The following ABCA12 variants were observed in gnomAD, a reference collection of about 807,000 sequenced individuals.
The protein encoded by ABCA12 is glucosylceramide transporter ABCA12.
ABCA12 carries 156 observed loss-of-function variants against 293.5 expected under a neutral mutation model. That is an observed-to-expected ratio of 0.53 (90% confidence interval 0.47 to 0.61). The LOEUF (loss-of-function observed/expected upper bound fraction) is 0.61, where lower values mean the gene tolerates loss of function less well. Ranked by LOEUF, ABCA12 falls within the 20% of genes least tolerant of loss-of-function variation. ABCA12 has a pLI of 0.00. For missense variants in ABCA12, 2,797 were observed against 3,090.2 expected (o/e 0.91, Z 2.25); for synonymous variants, 1,063 against 1,108.0 (o/e 0.96, Z 0.81).
chr2:215,001,068 C>G (rs375469851), intron 21 of ABCA12, 48 bp from the exon 22 acceptor site: 2 of 1,581,422 alleles, frequency 1.3e-6, no homozygotes, highest in Admixed American at 3.4e-5. Flanking sequence ...TTATGGTTGA[C>G]GTTATTCATT....
At chr2:215,082,086 C>T (rs1215560398) in intron 2 of ABCA12, among the ~76,000 whole-genome samples, 5 of 122,882 alleles carry the variant, frequency 4.1e-5, no homozygotes, top group Non-Finnish European at 7.9e-5. Flanking sequence ...GCTCTGTTGG[C>T]CAGGCTAGAG....
chr2:215,069,906 A>G (rs1271006165), intron 2 of ABCA12, among the ~76,000 whole-genome samples: 2 of 152,256 alleles, frequency 1.3e-5, no homozygotes, highest in East Asian at 1.9e-4. Context: ...AACCTTACAT[A>G]GTTCTTAGCA....
Position 214,986,616 on chromosome 2 carries a change from G to A in ABCA12, c.4089C>T (p.Asn1363=). ...GCCCTTCATAAAAGTTCAGATTGAG[G>A]TTATCAACAGCAACTTTTGAGCCAT... is the stretch of plus-strand genomic sequence containing the variant. The part of the protein sequence containing the change: ...KIYGSKVAVD[N]LNLNFYEGHI... The change falls in exon 28 of 53, where the codon AAC becomes AAT. Residue 1363 remains asparagine (N), a synonymous_variant. Coordinates refer to ENST00000272895, the MANE Select transcript of ABCA12 (RefSeq NM_173076.3). 5 of 1,614,058 alleles carry A rather than the reference G, an allele frequency of 3.1e-6. No individual in the cohort carries two copies. The highest frequency in any genetic ancestry group is 4.2e-6 in the Non-Finnish European group (5 of 1,179,984).
chr2:214,975,463 G>A (rs1289826625), intron 34 of ABCA12, among the ~76,000 whole-genome samples: 1 of 152,036 alleles, frequency 6.6e-6, no homozygotes, highest in Non-Finnish European at 1.5e-5. Flanking sequence ...ATATTTGTGA[G>A]ACCAATAAAA....
intron 7 of ABCA12, 32 bp from the exon 8 acceptor site, chr2:215,037,097 C>A (rs1483880226): frequency 1.9e-6 from 3 of 1,577,120 alleles, no homozygotes; most frequent in South Asian, 1.1e-5. Context: ...AAACCAGATT[C>A]TGTTTCAAGG....
intron 2 of ABCA12, among the ~76,000 whole-genome samples, chr2:215,068,912 T>C (rs1040796220): frequency 3.9e-5 from 6 of 152,190 alleles, no homozygotes; most frequent in Non-Finnish European, 8.8e-5. Context: ...CTATTTATTT[T>C]ATTATTGCAG....
intron 47 of ABCA12, chr2:214,947,840 G>T: frequency 2.4e-6 from 1 of 411,194 alleles, no homozygotes; most frequent in Non-Finnish European, 4.6e-6. Flanking sequence ...ACTTTTTGCT[G>T]CATTACCACA....
chr2:215,110,769 T>A (rs868389113), intron 2 of ABCA12, among the ~76,000 whole-genome samples: 9 of 152,214 alleles, frequency 5.9e-5, no homozygotes, highest in African/African-American at 2.2e-4. Context: ...ATTGTCTTCT[T>A]TTACATAGCA....
intron 2 of ABCA12, among the ~76,000 whole-genome samples, chr2:215,111,251 A>G (rs1035585010): frequency 1.3e-4 from 20 of 152,256 alleles, no homozygotes; most frequent in Non-Finnish European, 1.5e-5. Flanking sequence ...TATGGTTTCC[A>G]TTACAAAAGT....
chr2:215,113,060 C>T (rs1001868896), intron 1 of ABCA12, among the ~76,000 whole-genome samples: 1 of 152,158 alleles, frequency 6.6e-6, no homozygotes, highest in Non-Finnish European at 1.5e-5. Context: ...TCTGGTCAGA[C>T]TTATCTTTTC....
At chr2:215,071,937 C>T (rs1174573032) in intron 2 of ABCA12, among the ~76,000 whole-genome samples, 1 of 152,170 alleles carries the variant, frequency 6.6e-6, no homozygotes, top group Non-Finnish European at 1.5e-5. Context: ...GTTTAAATTA[C>T]TGTGTGCTCA....
At chr2:215,007,966 G>C in intron 18 of ABCA12, 120 bp from the exon 19 acceptor site, 3 of 1,288,894 alleles carry the variant, frequency 2.3e-6, no homozygotes, top group Non-Finnish European at 3.2e-6. Context: ...CATGAAGTTA[G>C]TACAAACAAT....
intron 2 of ABCA12, among the ~76,000 whole-genome samples, chr2:215,098,052 A>G (rs1212222812): frequency 7.2e-5 from 11 of 152,204 alleles, no homozygotes; most frequent in Non-Finnish European, 1.6e-4. Flanking sequence ...AAGTTTTCAC[A>G]GGAGTTAGGT....
chr2:215,059,038 A>G (rs2030627), intron 3 of ABCA12, among the ~76,000 whole-genome samples: 51,593 of 151,860 alleles, frequency 0.34, 9,102 homozygotes, highest in Middle Eastern at 0.44. Flanking sequence ...TAATCTATTT[A>G]TAAGAGGAAT....
chr2:215,032,704 C>T (rs2106031847), intron 8 of ABCA12: 1 of 152,152 alleles, frequency 6.6e-6, no homozygotes, highest in Admixed American at 6.5e-5. Context: ...AATTCAGCTC[C>T]TTTAGGGAAA....
Position 214,955,291 on chromosome 2 carries a change from A to G in ABCA12, c.6304T>C (p.Tyr2102His). The change falls in exon 43 of 53, where the codon TAC becomes CAC. Residue 2102 changes from tyrosine to histidine, a missense_variant. Physicochemically the swap from Tyr to His is moderately conservative, Grantham distance 83 (BLOSUM62 2). This residue lies in a region of ABCA12 where 2,130 missense variants were observed against 2,427.0 expected (regional missense o/e 0.88). Transcript: ENST00000272895. Reference sequence around the variant, plus strand: ...CCAAAAAACAAGTTGACACAGACGTAAGTGATGAAGGCCATTCCTGTTTCA... The same window carrying G: ...CCAAAAAACAAGTTGACACAGACGTGAGTGATGAAGGCCATTCCTGTTTCA... ...FHETGMAFITYVCVNLFFGIN... is the reference protein window; with the variant it reads ...FHETGMAFITHVCVNLFFGIN... The G allele has an allele frequency of 6.2e-7, 1 of 1,614,168 alleles. No homozygotes were observed. Among genetic ancestry groups the G allele is most frequent in the East Asian group, 2.2e-5 (1 of 44,874 alleles).
intron 1 of ABCA12, among the ~76,000 whole-genome samples, chr2:215,115,277 C>T (rs978339021): frequency 7.9e-5 from 12 of 152,094 alleles, no homozygotes; most frequent in African/African-American, 2.9e-4. Flanking sequence ...TATGGTCTCA[C>T]GAATATTAAG....
chr2:214,950,927 T>C lies in ABCA12; in HGVS notation c.6804A>G (p.Lys2268=), dbSNP rs1260193713. 6.2e-7 allele frequency: 1 copy of C among 1,614,006 alleles called. No homozygotes were observed. The highest frequency in any genetic ancestry group is 2.2e-5 in the East Asian group (1 of 44,878). The change falls in exon 45 of 53, where the codon AAA becomes AAG. Residue 2268 remains lysine, a synonymous_variant. Coordinates refer to ENST00000272895, the MANE Select transcript of ABCA12 (RefSeq NM_173076.3). ...CLTKTYQLIH[K]KIIAVNNISI... is the part of the protein sequence containing the mutation. ...TGATGTTGTTTACAGCTATAATCTT[T>C]TTGTGGATAAGTTGGTAGGTCTTTG...
Position 215,012,117 on chromosome 2 carries a change from C to T in ABCA12, c.1975G>A (p.Asp659Asn). 6.2e-7 allele frequency: 1 copy of T among 1,613,844 alleles called. No homozygotes were observed. The highest frequency in any genetic ancestry group is 8.5e-7 in the Non-Finnish European group (1 of 1,179,884). The change falls in exon 16 of 53, where the codon GAT becomes AAT. Residue 659 changes from aspartate to asparagine, a missense_variant. Asp to Asn is a conservative substitution (Grantham distance 23). Around this residue, in one of 3 missense-constraint regions of ABCA12, gnomAD observed 2,130 missense variants for 2,427.0 expected, o/e 0.88. Transcript: ENST00000272895. The stretch of plus-strand genomic sequence containing the variant: ...ATCATCTTTTCTACTGGCTTTTGAT[C>T]TTTCCTCGGGAAAAACACCTAACAG... ...FTYKVFFPRK[D>N]QKPVEKMMEL... is the part of the protein sequence containing the mutation.
Sources: allele counts gnomAD v4.1 joint callset (sites outside exome capture counted in the v4.1 genomes callset), GRCh38; gene constraint gnomAD v4.1.1; regional missense constraint gnomAD v4.1.1; transcripts MANE v1.5; gene names NCBI Gene and HGNC (gene_info 2026-07-23, HGNC 2026-07-21).